CFAP70: variants seen among roughly 807,000 people sequenced by gnomAD.
CFAP70 encodes cilia and flagella associated protein 70.
In CFAP70, 81 loss-of-function variants were observed where a neutral mutation model predicts 137.6. That is an observed-to-expected ratio of 0.59 (90% CI 0.49 to 0.71). CFAP70 has a LOEUF of 0.71. CFAP70 is among the 30% of genes least tolerant of loss of function. The pLI is 0.00. For synonymous variants in CFAP70, 382 were observed against 423.6 expected (o/e 0.90, Z 1.20); for missense variants, 976 against 1,226.7 (o/e 0.80, Z 3.05).
chr10:73,267,348 G>A (rs2045870615), intron 25 of CFAP70, among the ~76,000 whole-genome samples: 1 of 152,274 alleles, frequency 6.6e-6, no homozygotes, highest in Non-Finnish European at 1.5e-5. Flanking sequence ...GCCTTCTATA[G>A]GCTAAACTGG....
intron 19 of CFAP70, among the ~76,000 whole-genome samples, chr10:73,280,498 G>A (rs909905145): frequency 2.6e-5 from 4 of 152,010 alleles, no homozygotes; most frequent in African/African-American, 4.8e-5. Context: ...GGTATGATTG[G>A]AATTATTTCT....
At chr10:73,360,868 C>T (rs2054978565), upstream of CFAP70, among the ~76,000 whole-genome samples, 1 of 152,144 alleles carries the variant, frequency 6.6e-6, no homozygotes, top group Admixed American at 6.5e-5. Flanking sequence ...CGCTCATGAT[C>T]TTGGTCTACT....
chr10:73,354,661 G>A (rs1006122618), intron 2 of CFAP70, 73 bp downstream of exon 2: 3 of 1,288,122 alleles, frequency 2.3e-6, no homozygotes, highest in Non-Finnish European at 3.3e-6. Context: ...GGTAGAGAAT[G>A]AAGCAAAATT....
Position 73,348,356 on chromosome 10 carries a change from A to G in CFAP70, c.349+67T>C, listed in dbSNP as rs1024083251. ...CTCAAATTCATTGAGGCTAATTTCTATATCTCTCTGGGGCTAAGTTTTATG... is the reference window on the plus strand; with the variant it reads ...CTCAAATTCATTGAGGCTAATTTCTGTATCTCTCTGGGGCTAAGTTTTATG... On this transcript the variant is annotated intron_variant, in intron 4 of 26. Coordinates refer to ENST00000310715, the Ensembl canonical transcript of CFAP70. 20 of 1,549,056 alleles carry G rather than the reference A, an allele frequency of 1.3e-5. No individual in the cohort carries two copies. The African/African-American group carries it at 1.6e-4, about 13-fold the overall frequency.
At chr10:73,282,182 A>C (rs1208489991) in intron 19 of CFAP70, among the ~76,000 whole-genome samples, 1 of 152,162 alleles carries the variant, frequency 6.6e-6, no homozygotes, top group Non-Finnish European at 1.5e-5. Flanking sequence ...TGCAGAGAGG[A>C]GGAGCGGAGG....
chr10:73,264,820 G>T (rs191851993), intron 25 of CFAP70, among the ~76,000 whole-genome samples: 2 of 152,108 alleles, frequency 1.3e-5, no homozygotes, highest in African/African-American at 4.8e-5. Flanking sequence ...TTGTTTGTAC[G>T]TAATTATGTG....
chr10:73,343,529 T>G (rs1166594278), intron 5 of CFAP70, among the ~76,000 whole-genome samples: 2 of 152,040 alleles, frequency 1.3e-5, no homozygotes, highest in East Asian at 3.9e-4. Flanking sequence ...GCCAACATGG[T>G]GAAACCCCCT....
upstream of CFAP70, among the ~76,000 whole-genome samples, chr10:73,361,410 A>C (rs1000761472): frequency 6.7e-6 from 1 of 148,384 alleles, no homozygotes; most frequent in Non-Finnish European, 1.5e-5. Flanking sequence ...CTCCCACCTC[A>C]GCCTCCCGTG....
At chr10:73,334,880 G>GTT (rs369007041) in intron 7 of CFAP70, among the ~76,000 whole-genome samples, 1,852 of 128,562 alleles carry the variant, frequency 0.014, 43 homozygotes, top group African/African-American at 0.043. Context: ...ACCTGGCCGA[G>GTT]TTTTTTTTTT....
Position 73,319,706 on chromosome 10 carries a change from T to C in CFAP70, c.912+3257A>G, listed in dbSNP as rs1035948712. 2.6e-5 allele frequency among the ~76,000 whole-genome samples: 4 copies of C among 152,222 alleles called. No homozygotes were observed. In the East Asian group the frequency reaches 7.7e-4, roughly 29 times the overall value. ...ATCACTGCAAACCTTGGTGCATATA[T>C]GTGGTTTTACTGTACCAGGTGAGCA... On this transcript the variant is annotated intron_variant, in intron 9 of 26. Transcript: ENST00000310715.
At chr10:73,347,366 C>A (rs899894682) in intron 4 of CFAP70, among the ~76,000 whole-genome samples, 1 of 151,844 alleles carries the variant, frequency 6.6e-6, no homozygotes, top group African/African-American at 2.4e-5. Flanking sequence ...AAGGTAGGTA[C>A]GAGGCTATTT....
At chr10:73,331,815 A>C (rs1039784029) in intron 7 of CFAP70, among the ~76,000 whole-genome samples, 4 of 152,220 alleles carry the variant, frequency 2.6e-5, no homozygotes, top group African/African-American at 9.6e-5. Context: ...AATATGAATC[A>C]AAAACCTTAA....
chr10:73,289,389 G>A (rs1051325571), intron 19 of CFAP70, among the ~76,000 whole-genome samples: 8 of 151,940 alleles, frequency 5.3e-5, no homozygotes, highest in Admixed American at 2.0e-4. Flanking sequence ...GGGTTCAAGC[G>A]ATTCTCCTGC....
chr10:73,313,129 T>G (rs1246617022), intron 9 of CFAP70, among the ~76,000 whole-genome samples: 1 of 152,004 alleles, frequency 6.6e-6, no homozygotes, highest in African/African-American at 2.4e-5. Context: ...TCCCAGCACT[T>G]TGGGAGGCCG....
intron 24 of CFAP70, 43 bp downstream of exon 25, chr10:73,272,885 C>T (rs1287476520): frequency 6.6e-7 from 1 of 1,507,178 alleles, no homozygotes; most frequent in African/African-American, 1.4e-5. Flanking sequence ...GAATCAAGGT[C>T]AGCTGTATCC....
At chr10:73,339,493 T>C (rs1277928953) in intron 6 of CFAP70, among the ~76,000 whole-genome samples, 2 of 152,232 alleles carry the variant, frequency 1.3e-5, no homozygotes, top group Non-Finnish European at 2.9e-5. Flanking sequence ...CAAATTTTGC[T>C]TGGGCCTGCT....
At chr10:73,268,980 C>T (rs1439799259) in intron 25 of CFAP70, among the ~76,000 whole-genome samples, 1 of 152,088 alleles carries the variant, frequency 6.6e-6, no homozygotes, top group Non-Finnish European at 1.5e-5. Flanking sequence ...AGCCACTACA[C>T]CCAGCCAGAC....
intron 5 of CFAP70, among the ~76,000 whole-genome samples, chr10:73,342,578 T>C (rs184831142): frequency 3.3e-5 from 5 of 151,982 alleles, no homozygotes; most frequent in Admixed American, 3.3e-4. Flanking sequence ...GATATATAGA[T>C]AGATAAAGAA....
At chr10:73,323,304 G>A (rs2051048393) in intron 8 of CFAP70, among the ~76,000 whole-genome samples, 3 of 131,670 alleles carry the variant, frequency 2.3e-5, no homozygotes, top group Admixed American at 1.7e-4. Context: ...CTGAGAAAAT[G>A]CATATAAACA....
Sources: allele counts gnomAD v4.1 joint callset (sites outside exome capture counted in the v4.1 genomes callset), GRCh38; gene constraint gnomAD v4.1.1; transcripts MANE v1.5; gene names NCBI Gene and HGNC (gene_info 2026-07-23, HGNC 2026-07-21).